CPNE4: variants seen among roughly 807,000 people sequenced by gnomAD.
CPNE4 encodes the protein copine-4.
Under a neutral mutation model 67.9 loss-of-function variants are expected in CPNE4, and 25 were observed. That is an observed-to-expected ratio of 0.37 (90% CI 0.27 to 0.51). The LOEUF (loss-of-function observed/expected upper bound fraction) is 0.51, where lower values mean the gene tolerates loss of function less well. Ranked by LOEUF, CPNE4 falls within the 20% of genes least tolerant of loss-of-function variation. The pLI, the probability that CPNE4 is intolerant of heterozygous loss-of-function variation, is 0.93. For missense variants in CPNE4, 464 were observed against 690.8 expected (o/e 0.67, Z 3.68); for synonymous variants, 242 against 244.9 (o/e 0.99, Z 0.11).
At chr3:131,707,368 T>C (rs1168056036) in intron 3 of CPNE4, among the ~76,000 whole-genome samples, 2 of 151,564 alleles carry the variant, frequency 1.3e-5, no homozygotes, top group Non-Finnish European at 2.9e-5. Flanking sequence ...CTTCTGTCTC[T>C]CCTCTGTGTC....
chr3:131,810,772 T>C (rs1329132088), intron 2 of CPNE4, among the ~76,000 whole-genome samples: 2 of 152,132 alleles, frequency 1.3e-5, no homozygotes, highest in African/African-American at 2.4e-5. Flanking sequence ...AGCCAAGATA[T>C]GTAAACAACC....
At chr3:131,665,756 T>A (rs943108193) in intron 7 of CPNE4, among the ~76,000 whole-genome samples, 2 of 151,980 alleles carry the variant, frequency 1.3e-5, no homozygotes, top group Non-Finnish European at 2.9e-5. Flanking sequence ...AGAGAACAAA[T>A]ATTAGTTTAA....
intron 6 of CPNE4, among the ~76,000 whole-genome samples, chr3:131,677,949 A>G (rs537096240): frequency 6.6e-6 from 1 of 152,096 alleles, no homozygotes; most frequent in African/African-American, 2.4e-5. Flanking sequence ...TTTAAAATAG[A>G]TTTTTCTAGT....
chr3:131,619,684 C>T (rs1940357469), intron 7 of CPNE4, among the ~76,000 whole-genome samples: 1 of 152,132 alleles, frequency 6.6e-6, no homozygotes. Context: ...CCCATCCTAG[C>T]CTAATAATAA....
At chr3:131,952,934 G>A (rs1393519416) in intron 1 of CPNE4, among the ~76,000 whole-genome samples, 1 of 152,042 alleles carries the variant, frequency 6.6e-6, no homozygotes, top group African/African-American at 2.4e-5. Flanking sequence ...GTTGATCTGT[G>A]ACCTTACCCC....
chr3:131,785,017 T>C (rs970441029), intron 2 of CPNE4, among the ~76,000 whole-genome samples: 1 of 152,082 alleles, frequency 6.6e-6, no homozygotes, highest in African/African-American at 2.4e-5. Flanking sequence ...GGTCAATATC[T>C]TTAACTTCTT....
intron 2 of CPNE4, among the ~76,000 whole-genome samples, chr3:131,888,837 A>G (rs1177321390): frequency 6.6e-6 from 1 of 152,210 alleles, no homozygotes. Context: ...AGTGCTTAGT[A>G]AGAAACTTGG....
At chr3:131,825,505 A>C (rs1475362197) in intron 2 of CPNE4, among the ~76,000 whole-genome samples, 1 of 151,562 alleles carries the variant, frequency 6.6e-6, no homozygotes, top group Non-Finnish European at 1.5e-5. Context: ...AAAAAAAAAA[A>C]AAAACATTGG....
intron 2 of CPNE4, among the ~76,000 whole-genome samples, chr3:131,811,052 G>A (rs1428776949): frequency 5.3e-5 from 8 of 151,918 alleles, no homozygotes; most frequent in Admixed American, 5.3e-4. Context: ...TGATTAGAGG[G>A]TACAAAGTTT....
Position 131,544,330 on chromosome 3 carries a change from T to C in CPNE4, c.1303-1537A>G, listed in dbSNP as rs567543486. 2.6e-5 allele frequency among the ~76,000 whole-genome samples: 4 copies of C among 152,042 alleles called. No individual in the cohort carries two copies. In the South Asian group the frequency reaches 8.3e-4, roughly 32 times the overall value. ...CAAATAGTTTGGTAGTACTAAAGAA[T>C]TTCATTTTTTTTCTGTGAGCCTGAA... is the stretch of plus-strand genomic sequence containing the variant. On this transcript the variant is annotated intron_variant, in intron 14 of 15. Coordinates refer to ENST00000429747, the MANE Select transcript of CPNE4 (RefSeq NM_130808.3).
intron 12 of CPNE4, among the ~76,000 whole-genome samples, chr3:131,555,038 G>A (rs1256679384): frequency 6.6e-6 from 1 of 152,006 alleles, no homozygotes; most frequent in Admixed American, 6.6e-5. Context: ...AGTCATAATA[G>A]TTCTTTCTTC....
At chr3:131,974,295 A>G (rs2072584723) in intron 1 of CPNE4, among the ~76,000 whole-genome samples, 1 of 152,202 alleles carries the variant, frequency 6.6e-6, no homozygotes, top group Non-Finnish European at 1.5e-5. Context: ...ATATGTGTAC[A>G]TATGTGTTAT....
intron 1 of CPNE4, among the ~76,000 whole-genome samples, chr3:131,973,836 CA>C (rs2072571594): frequency 6.6e-6 from 1 of 152,202 alleles, no homozygotes; most frequent in Non-Finnish European, 1.5e-5. Flanking sequence ...GGAATAACGT[CA>C]AAAGCATTTA....
intron 7 of CPNE4, among the ~76,000 whole-genome samples, chr3:131,656,930 G>A (rs752513422): frequency 3.9e-5 from 6 of 152,138 alleles, no homozygotes; most frequent in Non-Finnish European, 8.8e-5. Context: ...GCATATATCA[G>A]GATCTTCTAG....
intron 1 of CPNE4, among the ~76,000 whole-genome samples, chr3:131,942,455 TGTGTGTGTGAGAGA>T (rs1447615621): frequency 3.5e-4 from 22 of 62,318 alleles, no homozygotes; most frequent in South Asian, 1.9e-3. Context: ...TGTGTGTGTG[TGTGTGTGTGAGAGA>T]GAGAGAGAGA....
chr3:131,965,015 C>G (rs2072302077), intron 1 of CPNE4, among the ~76,000 whole-genome samples: 1 of 152,224 alleles, frequency 6.6e-6, no homozygotes, highest in African/African-American at 2.4e-5. Context: ...ATCAGACTAA[C>G]AGTGGATCTC....
intron 1 of CPNE4, among the ~76,000 whole-genome samples, chr3:132,002,536 C>T (rs1252636326): frequency 1.6e-4 from 24 of 152,054 alleles, no homozygotes; most frequent in Non-Finnish European, 4.4e-5. Flanking sequence ...ACAAGAAAGT[C>T]TTTATTAAGC....
At chr3:131,760,965 T>C (rs1263380419) in intron 2 of CPNE4, among the ~76,000 whole-genome samples, 1 of 152,060 alleles carries the variant, frequency 6.6e-6, no homozygotes, top group South Asian at 2.1e-4. Flanking sequence ...AGCGGCTGGA[T>C]AAAGAATTCC....
chr3:131,678,179 CTT>C (rs1560100317), intron 6 of CPNE4, among the ~76,000 whole-genome samples: 2 of 150,590 alleles, frequency 1.3e-5, no homozygotes. Context: ...GCATGTCACT[CTT>C]TTTTTTTAGT....
Sources: allele counts gnomAD v4.1 joint callset (sites outside exome capture counted in the v4.1 genomes callset), GRCh38; gene constraint gnomAD v4.1.1; transcripts MANE v1.5; gene names NCBI Gene and HGNC (gene_info 2026-07-23, HGNC 2026-07-21).